The following XKR3 variants were observed in gnomAD, a reference collection of about 807,000 sequenced individuals.
XKR3 encodes XK-related protein 3.
XKR3 carries 27 observed loss-of-function variants against 40.3 expected under a neutral mutation model. The observed-to-expected ratio is 0.67, with a 90% CI of 0.49 to 0.92. XKR3 has a LOEUF of 0.92. Ranked by LOEUF, XKR3 falls within the 40% of genes least tolerant of loss-of-function variation. The pLI is 0.00. For missense variants in XKR3, 472 were observed against 537.6 expected (o/e 0.88, Z 1.21); for synonymous variants, 193 against 195.4 (o/e 0.99, Z 0.10).
intron 1 of XKR3, among the ~76,000 whole-genome samples, chr22:16,809,064 A>AGGGAAGAAGC (rs1325527371): frequency 1.3e-5 from 2 of 152,114 alleles, no homozygotes; most frequent in African/African-American, 4.8e-5. Context: ...AAAAAGTGGG[A>AGGGAAGAAGC]GGGAAGAAGC....
At chr22:16,800,145 T>C (rs1456990151) in intron 2 of XKR3, 121 bp from the exon 3 acceptor site, 22 of 1,128,734 alleles carry the variant, frequency 1.9e-5, no homozygotes, top group Non-Finnish European at 2.7e-5. Flanking sequence ...ATGGCAAATA[T>C]TAACTTAATC....
At chr22:16,788,864 A>T (rs1234758229) in intron 3 of XKR3, among the ~76,000 whole-genome samples, 1 of 152,158 alleles carries the variant, frequency 6.6e-6, no homozygotes, top group African/African-American at 2.4e-5. Flanking sequence ...AGTGTCATAC[A>T]TTACATCAAC....
intron 3 of XKR3, among the ~76,000 whole-genome samples, chr22:16,785,166 A>C (rs1221061314): frequency 6.6e-6 from 1 of 152,104 alleles, no homozygotes; most frequent in African/African-American, 2.4e-5. Flanking sequence ...AAATACAAAA[A>C]ATTAGCCGGG....
chr22:16,812,983 T>C (rs2060218563), intron 1 of XKR3, among the ~76,000 whole-genome samples: 2 of 151,942 alleles, frequency 1.3e-5, no homozygotes, highest in South Asian at 4.2e-4. Flanking sequence ...TAACAATCAC[T>C]GTAGAAGATA....
At chr22:16,790,452 AAAAC>A (rs2060110493) in intron 3 of XKR3, among the ~76,000 whole-genome samples, 1 of 152,160 alleles carries the variant, frequency 6.6e-6, no homozygotes, top group Non-Finnish European at 1.5e-5. Flanking sequence ...ATTCAAAAGC[AAAAC>A]AAACAAATAC....
At chr22:16,811,521 TTAAG>T (rs1375038742) in intron 1 of XKR3, among the ~76,000 whole-genome samples, 2 of 152,250 alleles carry the variant, frequency 1.3e-5, no homozygotes, top group African/African-American at 4.8e-5. Flanking sequence ...CAAGAAAAGA[TTAAG>T]TAATTTGACT....
intron 1 of XKR3, among the ~76,000 whole-genome samples, chr22:16,818,642 C>T (rs1161665014): frequency 6.6e-6 from 1 of 152,128 alleles, no homozygotes; most frequent in East Asian, 1.9e-4. Flanking sequence ...CAGAGACAAG[C>T]TTCTCCCAGG....
chr22:16,822,406 G>A (rs900174836), intron 1 of XKR3, among the ~76,000 whole-genome samples: 3 of 151,584 alleles, frequency 2.0e-5, no homozygotes, highest in Non-Finnish European at 2.9e-5. Context: ...ATAAATAATA[G>A]AAAAGAAGAC....
In XKR3 at chr22:16,804,865, TGA is replaced by T. The variant is rs1168495544; in HGVS notation, c.335+2872_335+2873del. On this transcript the variant is annotated intron_variant, in intron 2 of 3. Transcript: ENST00000684488. The stretch of plus-strand genomic sequence containing the variant: ...AAATGTATAAAACCACGCTGTACCC[TGA>T]CCACATTGGGCACATGTACTCAGGA... Among the ~76,000 whole-genome samples the T allele has an allele frequency of 3.3e-5, 5 of 152,332 alleles. No homozygotes were observed. The East Asian group carries it at 9.6e-4, about 29-fold the overall frequency.
At chr22:16,816,346 AC>A (rs757556663) in intron 1 of XKR3, among the ~76,000 whole-genome samples, 1 of 146,606 alleles carries the variant, frequency 6.8e-6, no homozygotes, top group Non-Finnish European at 1.5e-5. Context: ...GACATTAATT[AC>A]CATATTTTTA....
At chr22:16,810,936 T>C (rs2060209839) in intron 1 of XKR3, among the ~76,000 whole-genome samples, 1 of 152,224 alleles carries the variant, frequency 6.6e-6, no homozygotes, top group South Asian at 2.1e-4. Flanking sequence ...TGCATATACA[T>C]GAACCCACGA....
intron 1 of XKR3, among the ~76,000 whole-genome samples, chr22:16,809,247 C>T (rs570380682): frequency 2.0e-5 from 3 of 152,208 alleles, no homozygotes; most frequent in African/African-American, 4.8e-5. Flanking sequence ...TATCTATATG[C>T]ACTTATTTAT....
intron 2 of XKR3, among the ~76,000 whole-genome samples, chr22:16,801,138 A>G (rs2060167241): frequency 6.6e-6 from 1 of 152,242 alleles, no homozygotes; most frequent in African/African-American, 2.4e-5. Context: ...AGGAAGTGGC[A>G]GTATTTTTAA....
At chr22:16,795,182 G>A (rs928450303) in intron 3 of XKR3, among the ~76,000 whole-genome samples, 1 of 151,952 alleles carries the variant, frequency 6.6e-6, no homozygotes, top group African/African-American at 2.4e-5. Context: ...AAATTCAAAA[G>A]AAACAAATCA....
intron 2 of XKR3, among the ~76,000 whole-genome samples, chr22:16,803,091 T>TATATATAC (rs762056399): frequency 1.1e-3 from 160 of 151,864 alleles, no homozygotes; most frequent in African/African-American, 3.7e-3. Context: ...TATATATATA[T>TATATATAC]ACACACACAA....
At chr22:16,791,331 C>G (rs1301463861) in intron 3 of XKR3, among the ~76,000 whole-genome samples, 1 of 151,290 alleles carries the variant, frequency 6.6e-6, no homozygotes, top group Non-Finnish European at 1.5e-5. Context: ...AAAAAAGACT[C>G]TGTGGATATA....
At chr22:16,788,342 C>T (rs1257565319) in intron 3 of XKR3, among the ~76,000 whole-genome samples, 3 of 151,858 alleles carry the variant, frequency 2.0e-5, no homozygotes, top group East Asian at 1.9e-4. Flanking sequence ...AAAGAAGATA[C>T]GAAATACACC....
chr22:16,790,495 A>G (rs2060110755), intron 3 of XKR3, among the ~76,000 whole-genome samples: 2 of 152,304 alleles, frequency 1.3e-5, no homozygotes, highest in South Asian at 4.1e-4. Context: ...ACTGGGAACT[A>G]AATTATGATT....
chr22:16,792,766 C>T (rs1292569812), intron 3 of XKR3, among the ~76,000 whole-genome samples: 2 of 152,116 alleles, frequency 1.3e-5, no homozygotes, highest in Non-Finnish European at 2.9e-5. Context: ...TATTTCATGT[C>T]TTTTAGTGAT....
Sources: allele counts gnomAD v4.1 joint callset (sites outside exome capture counted in the v4.1 genomes callset), GRCh38; gene constraint gnomAD v4.1.1; transcripts MANE v1.5; gene names NCBI Gene and HGNC (gene_info 2026-07-23, HGNC 2026-07-21).